Variants in SDK2 observed in about 807,000 individuals in gnomAD.
The protein encoded by SDK2 is protein sidekick-2.
In SDK2, 105 loss-of-function variants were observed where a neutral mutation model predicts 253.9. The ratio of observed to expected loss-of-function variants is 0.41; its 90% CI spans 0.35 to 0.49. The LOEUF (loss-of-function observed/expected upper bound fraction) is 0.49, where lower values mean the gene tolerates loss of function less well. SDK2 is among the 20% of genes least tolerant of loss of function. SDK2 has a pLI of 0.06. For synonymous variants in SDK2, 1,249 were observed against 1,234.9 expected, an observed-to-expected ratio of 1.01 and a Z score of -0.24; for missense variants, 2,608 against 3,003.0, an observed-to-expected ratio of 0.87 and a Z score of 3.07.
chr17:73,589,672 A>G (rs1314227487), intron 1 of SDK2, among the ~76,000 whole-genome samples: 1 of 152,244 alleles, frequency 6.6e-6, no homozygotes, highest in East Asian at 1.9e-4. Context: ...GCCCTGACCA[A>G]GGATAATGCT....
chr17:73,632,417 A>G (rs1394040062), intron 1 of SDK2, among the ~76,000 whole-genome samples: 2 of 152,226 alleles, frequency 1.3e-5, no homozygotes, highest in Non-Finnish European at 2.9e-5. Context: ...GCCCTTGAAC[A>G]TCGGACTCCA....
Position 73,467,482 on chromosome 17 carries a change from G to A in SDK2, c.331+4630C>T, listed in dbSNP as rs1194991277. On this transcript the variant is annotated intron_variant, in intron 3 of 44. Transcript: ENST00000392650. This position sits in a 1 kb window ranked among gnomAD's most constrained non-coding sequence, Gnocchi z 4.1. ...TTCCCAGCACAGTGACCCTCAGGAC[G>A]AGCACTGCTATGAGTGAGAATGGTT... Among the ~76,000 whole-genome samples, 1 of 152,112 alleles carries A rather than the reference G, an allele frequency of 6.6e-6. No homozygotes were observed. Among genetic ancestry groups the A allele is most frequent in the Non-Finnish European group, 1.5e-5 (1 of 68,022 alleles).
chr17:73,578,023 A>T (rs2045480128), intron 1 of SDK2, among the ~76,000 whole-genome samples: 1 of 150,404 alleles, frequency 6.6e-6, no homozygotes, highest in South Asian at 2.1e-4. Flanking sequence ...AGGCAAGAAG[A>T]TGGGTTCTCC....
intron 2 of SDK2, among the ~76,000 whole-genome samples, chr17:73,503,228 A>G (rs563167701): frequency 6.6e-6 from 1 of 152,390 alleles, no homozygotes; most frequent in East Asian, 1.9e-4. Flanking sequence ...AACCATGGCC[A>G]TGAAGGACAC....
At chr17:73,420,340 C>T (rs1197352163) in intron 15 of SDK2, among the ~76,000 whole-genome samples, 3 of 152,174 alleles carry the variant, frequency 2.0e-5, no homozygotes, top group Admixed American at 6.5e-5. Context: ...TGCTCGCTCC[C>T]GTGTTTTATT....
intron 1 of SDK2, among the ~76,000 whole-genome samples, chr17:73,516,041 G>A (rs940067098): frequency 3.9e-5 from 6 of 152,200 alleles, no homozygotes; most frequent in Non-Finnish European, 8.8e-5. Context: ...CATTCCACCT[G>A]TTTCCCGCTT....
rs562086838 is a variant in SDK2, at chr17:73,352,045, C to T, written c.5758+428G>A. On this transcript the variant is annotated intron_variant, in intron 41 of 44. Transcript: ENST00000392650. The surrounding 1 kb of genome is among the most constrained non-coding windows in gnomAD (Gnocchi z 4.1). ...TGGGAGGGGTGGTGACCCTGCTGCA[C>T]CCAGGCACTAGGTCAGGCCTAAGGC... Among the ~76,000 whole-genome samples, 81 of 152,232 alleles carry T rather than the reference C, an allele frequency of 5.3e-4. No homozygotes were observed. The highest frequency in any genetic ancestry group is 1.0e-3 in the Admixed American group (16 of 15,284).
At chr17:73,591,005 C>T (rs2045674283) in intron 1 of SDK2, among the ~76,000 whole-genome samples, 1 of 152,138 alleles carries the variant, frequency 6.6e-6, no homozygotes, top group Admixed American at 6.5e-5. Context: ...CTGCAACCTC[C>T]ACCTCCCAGG....
chr17:73,570,419 C>T lies in SDK2; in HGVS notation c.65-62822G>A, dbSNP rs1232763220. Among the ~76,000 whole-genome samples the T allele has an allele frequency of 6.6e-6, 1 of 152,142 alleles. No homozygotes were observed. Among genetic ancestry groups the T allele is most frequent in the Non-Finnish European group, 1.5e-5 (1 of 68,028 alleles). ...CATGTGAGGGTGGGTGAGGTGGCTC[C>T]CACTGCTGGCTGGGTGAGCAGTTGG... is the stretch of plus-strand genomic sequence containing the variant. On this transcript the variant is annotated intron_variant, in intron 1 of 44. Coordinates refer to ENST00000392650, the MANE Select transcript of SDK2 (RefSeq NM_001144952.2). The surrounding 1 kb of genome is among the most constrained non-coding windows in gnomAD (Gnocchi z 4.2).
At chr17:73,563,434 T>G (rs2045267556) in intron 1 of SDK2, among the ~76,000 whole-genome samples, 1 of 152,072 alleles carries the variant, frequency 6.6e-6, no homozygotes, top group Non-Finnish European at 1.5e-5. Context: ...AAAAATTAGC[T>G]GGGTGCGGTG....
intron 1 of SDK2, among the ~76,000 whole-genome samples, chr17:73,553,642 A>G (rs972482525): frequency 4.6e-5 from 7 of 152,114 alleles, no homozygotes; most frequent in Non-Finnish European, 1.0e-4. Flanking sequence ...CCTCCATCCC[A>G]CCTGCAATCT....
chr17:73,395,449 G>GC lies in SDK2; in HGVS notation c.3355-58_3355-57insG. The GC allele has an allele frequency of 1.4e-6, 2 of 1,443,546 alleles. No homozygotes were observed. The highest frequency in any genetic ancestry group is 1.9e-6 in the Non-Finnish European group (2 of 1,030,482). 89.4% of individuals were successfully genotyped at this position (1,443,546 alleles called of 1,614,324 possible). On this transcript the variant is annotated intron_variant, in intron 24 of 44. Transcript: ENST00000392650. This position sits in a 1 kb window ranked among gnomAD's most constrained non-coding sequence, Gnocchi z 4.3. Reference sequence around the variant, plus strand: ...TGAGCCAGGCCCCCCACTGTGCAGGGAGGAACTGCCCTGCTACCCTCTCCT... The same window carrying GC: ...TGAGCCAGGCCCCCCACTGTGCAGGGCAGGAACTGCCCTGCTACCCTCTCCT...
intron 43 of SDK2, 62 bp from the exon 44 acceptor site, chr17:73,348,787 TA>T (rs1156756232): frequency 6.9e-7 from 1 of 1,459,324 alleles, no homozygotes; most frequent in Non-Finnish European, 9.4e-7. Flanking sequence ...TCCCCTGGCC[TA>T]GGGAGACCAC....
intron 1 of SDK2, among the ~76,000 whole-genome samples, chr17:73,585,624 G>T (rs972324917): frequency 6.6e-6 from 1 of 152,116 alleles, no homozygotes; most frequent in African/African-American, 2.4e-5. Context: ...TGGTGTTCCT[G>T]TCCTCACCAC....
chr17:73,517,677 A>G (rs953641814), intron 1 of SDK2: 3 of 152,242 alleles, frequency 2.0e-5, no homozygotes, highest in African/African-American at 7.2e-5. Context: ...GTGCTTTGTC[A>G]TGGCAGCCCA....
intron 1 of SDK2, among the ~76,000 whole-genome samples, chr17:73,588,301 C>A (rs922818764): frequency 5.1e-5 from 7 of 138,258 alleles, no homozygotes; most frequent in Non-Finnish European, 1.1e-4. Context: ...GCAGAAGAAT[C>A]ATTTGAATCC....
chr17:73,586,207 C>T lies in SDK2; in HGVS notation c.64+57818G>A, dbSNP rs116250709. Among the ~76,000 whole-genome samples the T allele has an allele frequency of 7.1e-3, 1,081 of 152,296 alleles. 13 individuals carry two copies. The highest frequency in any genetic ancestry group is 0.025 in the African/African-American group (1,031 of 41,564). ...CTCTCCTCCTCTTCCTCCTTCTCCC[C>T]ACCATGCCTCTCCTGCTGGCTAGCT... On this transcript the variant is annotated intron_variant, in intron 1 of 44. Transcript: ENST00000392650.
chr17:73,603,114 A>G (rs1306512543), intron 1 of SDK2, among the ~76,000 whole-genome samples: 4 of 152,150 alleles, frequency 2.6e-5, no homozygotes, highest in Admixed American at 2.0e-4. Flanking sequence ...TGTGACAACC[A>G]AAAGTGTCTG....
chr17:73,500,813 CATCCTCCCTCAGTTCTCCATCCTCTGTCT>C, intron 2 of SDK2, among the ~76,000 whole-genome samples: 1 of 150,398 alleles, frequency 6.6e-6, no homozygotes, highest in Non-Finnish European at 1.5e-5. Flanking sequence ...ATCCTCTTTC[CATCCTCCCTCAGTTCTCCATCCTCTGTCT>C]ATCCTCCCTC....
Sources: gnomAD v4.1 joint callset for allele counts (sites outside exome capture counted in the v4.1 genomes callset) on GRCh38, gnomAD v4.1.1 for gene constraint, Gnocchi (gnomAD v3.1) non-coding constraint, MANE v1.5 for transcripts, NCBI Gene and HGNC (gene_info 2026-07-23, HGNC 2026-07-21) for gene names.